The following CSMD3 variants were observed in gnomAD, a reference collection of about 807,000 sequenced individuals.
CSMD3 encodes CUB and sushi domain-containing protein 3.
A neutral mutation model predicts 435.2 loss-of-function variants in CSMD3; 177 were observed. The ratio of observed to expected loss-of-function variants is 0.41; its 90% CI spans 0.36 to 0.46. The LOEUF (loss-of-function observed/expected upper bound fraction) is 0.46, where lower values mean the gene tolerates loss of function less well. CSMD3 is among the 20% of genes least tolerant of loss of function. CSMD3 has a pLI of 0.34. For synonymous variants in CSMD3, 1,656 were observed against 1,520.5 expected, an observed-to-expected ratio of 1.09 and a Z score of -2.07; for missense variants, 4,265 against 4,504.6, an observed-to-expected ratio of 0.95 and a Z score of 1.52.
chr8:112,500,066 A>G (rs1821790753), intron 30 of CSMD3, among the ~76,000 whole-genome samples: 2 of 152,118 alleles, frequency 1.3e-5, no homozygotes, highest in Non-Finnish European at 2.9e-5. Context: ...CCGGGATCGC[A>G]CCACTGCACC....
chr8:112,371,604 C>T (rs557466365), intron 38 of CSMD3, among the ~76,000 whole-genome samples: 1 of 152,166 alleles, frequency 6.6e-6, no homozygotes, highest in South Asian at 2.1e-4. Flanking sequence ...AAACAAATGA[C>T]AAAGGATGGG....
chr8:112,531,146 G>T (rs1457347332), intron 27 of CSMD3, among the ~76,000 whole-genome samples: 1 of 152,066 alleles, frequency 6.6e-6, no homozygotes, highest in East Asian at 1.9e-4. Context: ...GAGTACGGGG[G>T]ACTTTGCCTT....
intron 13 of CSMD3, among the ~76,000 whole-genome samples, chr8:112,717,237 C>A (rs1255396597): frequency 1.3e-5 from 2 of 151,630 alleles, no homozygotes; most frequent in African/African-American, 2.4e-5. Flanking sequence ...AAAAAAACAA[C>A]CCCATAAAAG....
At chr8:113,434,920 C>T (rs2094696467) in intron 1 of CSMD3, among the ~76,000 whole-genome samples, 1 of 152,152 alleles carries the variant, frequency 6.6e-6, no homozygotes, top group South Asian at 2.1e-4. Flanking sequence ...CAACAGGTAT[C>T]ACATGAAAAC....
rs544908313 is a variant in CSMD3, at chr8:112,485,095, G to C, written c.5278+7394C>G. Among the ~76,000 whole-genome samples, 12 of 152,242 alleles carry C rather than the reference G, an allele frequency of 7.9e-5. 1 individual carries two copies. The highest frequency in any genetic ancestry group is 2.6e-4 in the African/African-American group (11 of 41,566). On this transcript the variant is annotated intron_variant, in intron 31 of 70. Transcript: ENST00000297405. Reference sequence around the variant, plus strand: ...GCATCCAGGAGGCCAACTGGAGACAGAGTGTATGTAAGACTGTCAGAAAAA... The same window carrying C: ...GCATCCAGGAGGCCAACTGGAGACACAGTGTATGTAAGACTGTCAGAAAAA...
chr8:112,263,611 A>T (rs1484247558), intron 61 of CSMD3, 28 bp downstream of exon 61: 1 of 1,604,630 alleles, frequency 6.2e-7, no homozygotes, highest in Non-Finnish European at 8.5e-7. Flanking sequence ...AATTTTAAGT[A>T]ACAGTTGTTA....
At chr8:112,312,551 T>G (rs1822088004) in intron 49 of CSMD3, among the ~76,000 whole-genome samples, 1 of 152,088 alleles carries the variant, frequency 6.6e-6, no homozygotes, top group South Asian at 2.1e-4. Context: ...CCACCGCGCC[T>G]GGCCATGTTT....
At chr8:112,600,172 A>G in intron 22 of CSMD3, among the ~76,000 whole-genome samples, 1 of 152,182 alleles carries the variant, frequency 6.6e-6, no homozygotes, top group Non-Finnish European at 1.5e-5. Flanking sequence ...ATAACTCAAG[A>G]CATGGATTTA....
intron 5 of CSMD3, among the ~76,000 whole-genome samples, chr8:113,080,935 TTC>T (rs2089538605): frequency 3.3e-5 from 5 of 152,338 alleles, no homozygotes; most frequent in African/African-American, 9.6e-5. Context: ...TATCTTCTAG[TTC>T]TCTGTTAGAT....
intron 66 of CSMD3, 71 bp from the exon 67 acceptor site, chr8:112,237,419 T>A: frequency 3.6e-6 from 4 of 1,120,320 alleles, no homozygotes; most frequent in Non-Finnish European, 5.4e-6. Context: ...AAATAGAGTA[T>A]TAGTTTATTG....
chr8:112,514,898 T>C (rs556451847), intron 28 of CSMD3, among the ~76,000 whole-genome samples: 2 of 151,652 alleles, frequency 1.3e-5, no homozygotes, highest in Non-Finnish European at 2.9e-5. Context: ...TTTTCAGACT[T>C]TTTTTTTAAG....
intron 38 of CSMD3, among the ~76,000 whole-genome samples, chr8:112,368,332 T>G (rs1252567776): frequency 6.6e-6 from 1 of 152,176 alleles, no homozygotes; most frequent in Non-Finnish European, 1.5e-5. Flanking sequence ...TTTGGGACCT[T>G]GGTAAAAATG....
intron 5 of CSMD3, among the ~76,000 whole-genome samples, chr8:113,056,083 C>T (rs771633858): frequency 2.6e-5 from 4 of 152,112 alleles, no homozygotes; most frequent in Non-Finnish European, 4.4e-5. Flanking sequence ...AAAAATATCA[C>T]CAAACATTAT....
intron 3 of CSMD3, among the ~76,000 whole-genome samples, chr8:113,225,585 C>T (rs2093017537): frequency 6.6e-6 from 1 of 151,460 alleles, no homozygotes; most frequent in Admixed American, 6.6e-5. Flanking sequence ...CTCTTCTTTA[C>T]TTATTGGTAC....
chr8:113,392,556 C>T (rs2094465434), intron 1 of CSMD3, among the ~76,000 whole-genome samples: 1 of 152,004 alleles, frequency 6.6e-6, no homozygotes, highest in African/African-American at 2.4e-5. Flanking sequence ...AATAACTTAA[C>T]CAAGGTCAAA....
At chr8:112,322,823 T>C (rs1000454638) in intron 45 of CSMD3, among the ~76,000 whole-genome samples, 3 of 152,094 alleles carry the variant, frequency 2.0e-5, no homozygotes, top group African/African-American at 7.2e-5. Flanking sequence ...TGGGTCCCTA[T>C]GTAGACTTTA....
intron 52 of CSMD3, among the ~76,000 whole-genome samples, chr8:112,303,325 G>T (rs1821109348): frequency 6.6e-6 from 1 of 152,156 alleles, no homozygotes; most frequent in Admixed American, 6.5e-5. Flanking sequence ...GGAGGTTGAG[G>T]AGGGCAGATC....
chr8:113,283,978 A>C (rs1174000646), intron 2 of CSMD3, among the ~76,000 whole-genome samples: 1 of 152,176 alleles, frequency 6.6e-6, no homozygotes, highest in African/African-American at 2.4e-5. Flanking sequence ...TAAGCAAAGT[A>C]AGTCAGGAAT....
At chr8:112,312,430 A>G (rs1822071527) in intron 49 of CSMD3, among the ~76,000 whole-genome samples, 1 of 151,790 alleles carries the variant, frequency 6.6e-6, no homozygotes, top group Non-Finnish European at 1.5e-5. Context: ...AAGTTTTTGT[A>G]TTTTTAGTAG....
Sources: allele counts gnomAD v4.1 joint callset (sites outside exome capture counted in the v4.1 genomes callset), GRCh38; gene constraint gnomAD v4.1.1; transcripts MANE v1.5; gene names NCBI Gene and HGNC (gene_info 2026-07-23, HGNC 2026-07-21).